The following USP42 variants were observed in gnomAD, a reference collection of about 807,000 sequenced individuals.
USP42 encodes the protein ubiquitin specific peptidase 42.
USP42 carries 23 observed loss-of-function variants against 113.0 expected under a neutral mutation model. The ratio of observed to expected loss-of-function variants is 0.20; its 90% CI spans 0.15 to 0.29. The LOEUF is 0.29. USP42 is among the 10% of genes least tolerant of loss of function. USP42 has a pLI of 1.00. For missense variants in USP42, 2,174 were observed against 1,779.8 expected, an observed-to-expected ratio of 1.22 and a Z score of -3.99; for synonymous variants, 933 against 699.0, an observed-to-expected ratio of 1.33 and a Z score of -5.28.
rs537568727 is a variant in USP42, at chr7:6,112,824, G to A, written c.241+1450G>A. On this transcript the variant is annotated intron_variant, in intron 2 of 17. Coordinates refer to ENST00000306177, the MANE Select transcript of USP42 (RefSeq NM_032172.3). The stretch of plus-strand genomic sequence containing the variant: ...AATTTGTCTTCCAGTGTGGCCCAGG[G>A]AAGCCAAAAGATTGGACACCCCCTG... Among the ~76,000 whole-genome samples, 30 of 151,850 alleles carry A rather than the reference G, an allele frequency of 2.0e-4. No individual in the cohort carries two copies. In the South Asian group the frequency reaches 6.0e-3, roughly 30 times the overall value.
Position 6,144,120 on chromosome 7 carries a change from C to G in USP42, c.914C>G (p.Thr305Ser). ...ATGGTTCCAGCTTCAAAGAGGTTCACTATCCATAGATCCTCTAATGTTCTT... is the reference window on the plus strand; with the variant it reads ...ATGGTTCCAGCTTCAAAGAGGTTCAGTATCCATAGATCCTCTAATGTTCTT... ...KKMVPASKRFTIHRSSNVLTL... is the reference protein window; with the variant it reads ...KKMVPASKRFSIHRSSNVLTL... The change falls in exon 9 of 18, where the codon ACT becomes AGT. Residue 305 changes from threonine to serine, a missense_variant. Transcript: ENST00000306177. The G allele has an allele frequency of 6.3e-7, 1 of 1,582,890 alleles. No homozygotes were observed. Among genetic ancestry groups the G allele is most frequent in the South Asian group, 1.2e-5 (1 of 84,046 alleles).
chr7:6,121,170 C>G (rs1780207434), intron 3 of USP42, among the ~76,000 whole-genome samples: 1 of 151,896 alleles, frequency 6.6e-6, no homozygotes, highest in Non-Finnish European at 1.5e-5. Context: ...GTAAAGAGAC[C>G]TCCATTACAT....
At chr7:6,140,298 TC>T in intron 6 of USP42, 103 bp downstream of exon 6, 1 of 1,029,912 alleles carries the variant, frequency 9.7e-7, no homozygotes, top group South Asian at 1.5e-5. Flanking sequence ...GAAAAGTGCT[TC>T]TCTCCAGCCC....
chr7:6,095,349 C>A, the USP42 span, among the ~76,000 whole-genome samples: 2 of 151,130 alleles, frequency 1.3e-5, no homozygotes, highest in Admixed American at 1.3e-4. Context: ...ACCCCTATTC[C>A]CCAGCATATA....
chr7:6,096,136 C>A, the USP42 span, among the ~76,000 whole-genome samples: 1 of 150,914 alleles, frequency 6.6e-6, no homozygotes, highest in African/African-American at 2.5e-5. Context: ...TCCACTGAGA[C>A]AGCTAACCTC....
At chr7:6,137,471 G>A (rs1781210558) in intron 4 of USP42, among the ~76,000 whole-genome samples, 1 of 151,922 alleles carries the variant, frequency 6.6e-6, no homozygotes, top group Non-Finnish European at 1.5e-5. Flanking sequence ...TGATTCTTCT[G>A]CCTCAGCCTC....
chr7:6,083,890 A>T, the USP42 span, among the ~76,000 whole-genome samples: 1 of 151,096 alleles, frequency 6.6e-6, no homozygotes, highest in African/African-American at 2.5e-5. Context: ...TAGCAAGGAT[A>T]GATTTGTACT....
In USP42 at chr7:6,116,103, C is replaced by CAAA. The variant is rs1363199312; in HGVS notation, c.442+596_442+598dup. Among the ~76,000 whole-genome samples, 44 of 72,146 alleles carry CAAA rather than the reference C, an allele frequency of 6.1e-4. 1 individual carries two copies. The highest frequency in any genetic ancestry group is 1.5e-3 in the African/African-American group (35 of 22,928). The allele number at this position is 72,146 out of a possible 152,430, so 47.3% of individuals were successfully genotyped here. A position where few individuals can be genotyped will look rare whatever the true frequency, so the allele number is the denominator to read the frequency against. On this transcript the variant is annotated intron_variant, in intron 3 of 17. Transcript: ENST00000306177. ...TAGACAACAGAAAGAGACCCTGTCT[C>CAAA]AAAAAAAAAAAAAAAAAACGTCTGA...
chr7:6,155,558 A>T (rs1420972697), intron 15 of USP42, among the ~76,000 whole-genome samples: 2 of 151,582 alleles, frequency 1.3e-5, no homozygotes, highest in Non-Finnish European at 1.5e-5. Flanking sequence ...TAATATTCTT[A>T]CTTGTCAGAT....
chr7:6,138,331 C>T (rs1350765814), intron 4 of USP42, among the ~76,000 whole-genome samples: 1 of 152,130 alleles, frequency 6.6e-6, no homozygotes, highest in African/African-American at 2.4e-5. Context: ...TGTGCACCTG[C>T]AAATATAATT....
intron 8 of USP42, 107 bp from the exon 9 acceptor site, chr7:6,143,978 G>T: frequency 3.1e-6 from 2 of 638,232 alleles, no homozygotes; most frequent in Non-Finnish European, 5.0e-6. Context: ...TGTCCTTTTT[G>T]GAACCTTAAT....
At position 6,159,065 on chromosome 7, in the gene USP42, C is replaced by T. The variant is rs1782623714; in HGVS notation, c.3944-385C>T. On this transcript the variant is annotated intron_variant, in intron 16 of 17. Transcript: ENST00000306177. This position sits in a 1 kb window ranked among gnomAD's most constrained non-coding sequence, Gnocchi z 4.1. ...CTTGTCCTTCTGAGAAGGCCGCTGC[C>T]CGGCCCCGCCTCACCCAGCGTCCTG... Among the ~76,000 whole-genome samples, 2 of 152,166 alleles carry T rather than the reference C, an allele frequency of 1.3e-5. No homozygotes were observed. Among genetic ancestry groups the T allele is most frequent in the Non-Finnish European group, 2.9e-5 (2 of 68,036 alleles).
chr7:6,156,665 CGGT>C, intron 15 of USP42, 86 bp from the exon 16 acceptor site: 1 of 1,446,858 alleles, frequency 6.9e-7, no homozygotes, highest in Non-Finnish European at 9.1e-7. Context: ...TGAATGTTCT[CGGT>C]GAATGGGTGG....
intron 15 of USP42, 31 bp from the exon 16 acceptor site, chr7:6,156,723 G>C (rs754783264): frequency 6.6e-6 from 10 of 1,513,052 alleles, no homozygotes; most frequent in Non-Finnish European, 8.8e-6. Flanking sequence ...TTGTGTTTTA[G>C]GGTTTTGAAT....
intron 1 of USP42, 129 bp downstream of exon 1, chr7:6,105,161 C>T (rs1319013303): frequency 1.4e-5 from 2 of 145,850 alleles, no homozygotes; most frequent in African/African-American, 4.9e-5. Flanking sequence ...GGTGCGGCCC[C>T]TCGCCCGCCT....
At chr7:6,097,491 C>G in the USP42 span, among the ~76,000 whole-genome samples, 382 of 149,748 alleles carry the variant, frequency 2.6e-3, 20 homozygotes, top group African/African-American at 8.9e-3. Context: ...ACCGCAGCCT[C>G]CAATTCCTGG....
Position 6,144,076 on chromosome 7 carries a change from T to G in USP42, c.879-9T>G. 6.6e-7 allele frequency: 1 copy of G among 1,523,002 alleles called. No individual in the cohort carries two copies. The highest frequency in any genetic ancestry group is 2.5e-5 in the East Asian group (1 of 40,438). 94.3% of individuals were successfully genotyped at this position (1,523,002 alleles called of 1,614,324 possible). ...GTCTTCTTATACTTTTGTTTCTGTT[T>G]GTTTCAAGGTGTAAAAAGATGGTTC... is the stretch of plus-strand genomic sequence containing the variant. On this transcript the variant is annotated splice_polypyrimidine_tract_variant and intron_variant, in intron 8 of 17. Transcript: ENST00000306177.
rs370606288 is a variant in USP42, at chr7:6,159,956, C to T, written c.*36+463C>T. On this transcript the variant is annotated intron_variant, in intron 17 of 17. Transcript: ENST00000306177. This position sits in a 1 kb window ranked among gnomAD's most constrained non-coding sequence, Gnocchi z 4.1. ...GGCACTGAGCTGGAGCCAGCACCCC[C>T]CCAGCAGCCACCGTACAAAACCATA... Among the ~76,000 whole-genome samples, 1 of 152,230 alleles carries T rather than the reference C, an allele frequency of 6.6e-6. No individual in the cohort carries two copies. The highest frequency in any genetic ancestry group is 2.4e-5 in the African/African-American group (1 of 41,466).
intron 3 of USP42, among the ~76,000 whole-genome samples, chr7:6,129,239 C>T (rs964956718): frequency 6.6e-6 from 1 of 152,150 alleles, no homozygotes; most frequent in Non-Finnish European, 1.5e-5. Context: ...CCTTTACTCT[C>T]CACTAGTTAT....
Sources: allele counts gnomAD v4.1 joint callset (sites outside exome capture counted in the v4.1 genomes callset), GRCh38; gene constraint gnomAD v4.1.1; non-coding constraint Gnocchi (gnomAD v3.1); transcripts MANE v1.5; gene names NCBI Gene and HGNC (gene_info 2026-07-23, HGNC 2026-07-21).